HSDL2: variants seen among roughly 807,000 people sequenced by gnomAD.
HSDL2 encodes hydroxysteroid dehydrogenase like 2.
In HSDL2, 27 loss-of-function variants were observed where a neutral mutation model predicts 46.3. That is an observed-to-expected ratio of 0.58 (90% CI 0.43 to 0.80). HSDL2 has a LOEUF of 0.80. HSDL2 is among the 30% of genes least tolerant of loss of function. HSDL2 has a pLI of 0.00. For synonymous variants in HSDL2, 153 were observed against 163.6 expected, an observed-to-expected ratio of 0.94 and a Z score of 0.50; for missense variants, 451 against 502.7, an observed-to-expected ratio of 0.90 and a Z score of 0.98.
rs1036632993 is a variant in HSDL2 at position 112,437,573 on chromosome 9, CAT to C, written c.599-857_599-856del. On this transcript the variant is annotated intron_variant, in intron 6 of 10. Transcript: ENST00000398805. ...CAGTGAATACCCACAAGAATGTGTG[CAT>C]GTGTTTGGTGGTGGCTGACAGGTGT... 1.7e-3 allele frequency among the ~76,000 whole-genome samples: 266 copies of C among 152,044 alleles called. 1 individual carries two copies. The highest frequency in any genetic ancestry group is 6.2e-3 in the African/African-American group (255 of 41,440).
intron 8 of HSDL2, among the ~76,000 whole-genome samples, chr9:112,452,988 G>C (rs961776899): frequency 4.6e-5 from 7 of 152,122 alleles, no homozygotes; most frequent in Non-Finnish European, 7.4e-5. Context: ...TCATCTAGTG[G>C]GAGGGATAAT....
chr9:112,442,425 T>C (rs543356817), intron 8 of HSDL2, among the ~76,000 whole-genome samples: 2 of 152,336 alleles, frequency 1.3e-5, no homozygotes, highest in East Asian at 3.8e-4. Flanking sequence ...TGAGGAAAAG[T>C]GTGTCATATA....
At chr9:112,431,552 G>A (rs144938592) in intron 6 of HSDL2, among the ~76,000 whole-genome samples, 4 of 152,276 alleles carry the variant, frequency 2.6e-5, no homozygotes, top group Non-Finnish European at 5.9e-5. Context: ...CCCAGTGTTG[G>A]AGGTGGGGTC....
At chr9:112,439,748 C>T (rs1564124914) in intron 7 of HSDL2, among the ~76,000 whole-genome samples, 1 of 152,240 alleles carries the variant, frequency 6.6e-6, no homozygotes, top group East Asian at 1.9e-4. Flanking sequence ...GCCTGCATAA[C>T]AATTCTGTAC....
intron 10 of HSDL2, among the ~76,000 whole-genome samples, 160 bp from the exon 11 acceptor site, chr9:112,470,272 G>T (rs925732396): frequency 6.6e-6 from 1 of 152,014 alleles, no homozygotes; most frequent in Non-Finnish European, 1.5e-5. Flanking sequence ...CTAGGAATTG[G>T]GATTCCCAAG....
At chr9:112,423,805 T>A (rs1832184050) in intron 6 of HSDL2, among the ~76,000 whole-genome samples, 1 of 151,954 alleles carries the variant, frequency 6.6e-6, no homozygotes, top group South Asian at 2.1e-4. Context: ...CCTCTGCCTC[T>A]GAGGCTCAAG....
At chr9:112,409,669 C>G (rs1831814782) in intron 4 of HSDL2, among the ~76,000 whole-genome samples, 1 of 151,578 alleles carries the variant, frequency 6.6e-6, no homozygotes, top group African/African-American at 2.4e-5. Flanking sequence ...GCTGTCTCTA[C>G]AAAAAAAAGT....
intron 6 of HSDL2, among the ~76,000 whole-genome samples, chr9:112,426,748 A>G (rs1832254975): frequency 6.6e-6 from 1 of 152,214 alleles, no homozygotes; most frequent in Non-Finnish European, 1.5e-5. Context: ...TGTATTGCAC[A>G]TATTCTTCTT....
At chr9:112,463,107 G>A (rs1833262052) in intron 10 of HSDL2, among the ~76,000 whole-genome samples, 1 of 152,146 alleles carries the variant, frequency 6.6e-6, no homozygotes, top group Non-Finnish European at 1.5e-5. Flanking sequence ...CCAGCTGATG[G>A]ACACTTGGAT....
intron 1 of HSDL2, among the ~76,000 whole-genome samples, chr9:112,395,404 CT>C: frequency 6.6e-6 from 1 of 152,346 alleles, no homozygotes; most frequent in Admixed American, 6.5e-5. Flanking sequence ...AGCATACCCT[CT>C]TCCCCACGTT....
intron 1 of HSDL2, among the ~76,000 whole-genome samples, chr9:112,403,003 C>T (rs1176930982): frequency 2.0e-5 from 3 of 151,950 alleles, no homozygotes; most frequent in Non-Finnish European, 4.4e-5. Context: ...ATGAAATGGG[C>T]ACAGGGACCC....
chr9:112,459,491 G>A lies in HSDL2; in HGVS notation c.1058G>A (p.Gly353Asp), dbSNP rs1263391727. 6.2e-7 allele frequency: 1 copy of A among 1,614,024 alleles called. No individual in the cohort carries two copies. Among genetic ancestry groups the A allele is most frequent in the Non-Finnish European group, 8.5e-7 (1 of 1,179,876 alleles). ...TGGTTTCTTGATCTGAAAAGCAAGG[G>A]TGGGAATGTCGGATATGGAGAGCCT... ...GTWFLDLKSK[G>D]GNVGYGEPSD... The change falls in exon 10 of 11, where the codon GGT becomes GAT. Residue 353 changes from glycine (G) to aspartate (D), a missense_variant. Coordinates refer to ENST00000398805, the MANE Select transcript of HSDL2 (RefSeq NM_032303.5).
chr9:112,468,051 TTTG>T (rs1833445642), intron 10 of HSDL2, among the ~76,000 whole-genome samples: 1 of 602 alleles, frequency 1.7e-3, no homozygotes, highest in Admixed American at 0.02. Context: ...CTCTTGATTG[TTTG>T]TCTGGGTAGA....
intron 6 of HSDL2, among the ~76,000 whole-genome samples, chr9:112,437,161 T>C (rs1418233621): frequency 6.6e-6 from 1 of 152,004 alleles, no homozygotes; most frequent in Non-Finnish European, 1.5e-5. Context: ...GGTTTCACCA[T>C]GTTGACCAGG....
chr9:112,398,923 A>G (rs565771413), intron 1 of HSDL2, among the ~76,000 whole-genome samples: 1 of 152,304 alleles, frequency 6.6e-6, no homozygotes, highest in African/African-American at 2.4e-5. Flanking sequence ...TAATGCTTAG[A>G]CTTCGTGTGA....
chr9:112,397,245 A>G (rs1439262853), intron 1 of HSDL2, among the ~76,000 whole-genome samples: 1 of 152,206 alleles, frequency 6.6e-6, no homozygotes, highest in Non-Finnish European at 1.5e-5. Flanking sequence ...CCCACAGAAT[A>G]GCTTTGTGGG....
intron 1 of HSDL2, 78 bp downstream of exon 1, chr9:112,380,258 C>G: frequency 1.4e-6 from 2 of 1,413,300 alleles, no homozygotes; most frequent in South Asian, 2.6e-5. Flanking sequence ...GCGGATCGCC[C>G]GGGCTGGCCG....
Position 112,408,983 on chromosome 9 carries a change from T to A in HSDL2, c.357T>A (p.Asp119Glu). 6.2e-7 allele frequency: 1 copy of A among 1,609,664 alleles called. No individual in the cohort carries two copies. The highest frequency in any genetic ancestry group is 8.5e-7 in the Non-Finnish European group (1 of 1,177,102). ...NTLDTPTKRL[D>E]LMMNVNTRGT... ...TGGACACACCTACCAAGAGATTGGA[T>A]CTGATGATGAACGTGAACACCAGAG... The change falls in exon 4 of 11, where the codon GAT (aspartate) becomes GAA (glutamate). Residue 119 changes from aspartate to glutamate, a missense_variant. Physicochemically the swap from Asp to Glu is conservative, Grantham distance 45. Transcript: ENST00000398805.
chr9:112,434,375 C>T (rs1377248420), intron 6 of HSDL2, among the ~76,000 whole-genome samples: 1 of 152,174 alleles, frequency 6.6e-6, no homozygotes, highest in Non-Finnish European at 1.5e-5. Flanking sequence ...TTTGGGAACT[C>T]AGCTAACCAG....
Sources: allele counts gnomAD v4.1 joint callset (sites outside exome capture counted in the v4.1 genomes callset), GRCh38; gene constraint gnomAD v4.1.1; transcripts MANE v1.5; gene names NCBI Gene and HGNC (gene_info 2026-07-23, HGNC 2026-07-21).